Variants in DALRD3 observed in about 807,000 individuals in gnomAD.
DALRD3 encodes DALR anticodon-binding domain-containing protein 3.
A neutral mutation model predicts 56.7 loss-of-function variants in DALRD3; 47 were observed. The ratio of observed to expected loss-of-function variants is 0.83; its 90% CI spans 0.66 to 1.06. The LOEUF (loss-of-function observed/expected upper bound fraction) is 1.06, where lower values mean the gene tolerates loss of function less well. Among genes scored for constraint, DALRD3 ranks in the 50% least tolerant of loss-of-function variants. The probability of loss-of-function intolerance (pLI) is 0.00; values close to 1 mark genes in which losing one functional copy is unlikely to be tolerated. For missense variants in DALRD3, 787 were observed against 724.0 expected (o/e 1.09, Z -1.00); for synonymous variants, 347 against 308.5 (o/e 1.12, Z -1.31).
intron 5 of DALRD3, 117 bp downstream of exon 5, chr3:49,017,111 C>T: frequency 1.4e-6 from 2 of 1,455,772 alleles, no homozygotes; most frequent in Admixed American, 1.9e-5. Flanking sequence ...AGTCCAGCAA[C>T]TCCCCCAAGG....
At chr3:49,020,291 T>TC (rs2093142094), upstream of DALRD3, 1 of 510,528 alleles carries the variant, frequency 2.0e-6, no homozygotes, top group Non-Finnish European at 4.1e-6. Context: ...GAACCCTCAG[T>TC]CAAACTGAGG....
Position 49,016,819 on chromosome 3 carries a change from A to G in DALRD3, c.956T>C (p.Val319Ala). ...QKHLICGPVK[V>A]AGAPGTLMTA... is the part of the protein sequence containing the mutation. ...CATCAGAGTGCCAGGTGCACCAGCT[A>G]CTTTCACAGGGCCACAGATGAGGTG... is the stretch of plus-strand genomic sequence containing the variant. The change falls in exon 6 of 12, where the codon GTA becomes GCA. Residue 319 changes from valine (V) to alanine (A), a missense_variant. Val to Ala is a moderately conservative substitution (Grantham distance 64). Transcript: ENST00000341949. The G allele has an allele frequency of 1.9e-6, 3 of 1,614,166 alleles. No individual in the cohort carries two copies. The highest frequency in any genetic ancestry group is 1.7e-6 in the Non-Finnish European group (2 of 1,180,026).
chr3:49,017,630 T>C lies in DALRD3; in HGVS notation c.701A>G (p.Asn234Ser). 6.2e-7 allele frequency: 1 copy of C among 1,614,122 alleles called. No homozygotes were observed. Among genetic ancestry groups the C allele is most frequent in the Middle Eastern group, 1.6e-4 (1 of 6,062 alleles). Reference protein sequence around the residue: ...EQGRTAGYDPNLDNCLVTEDL... With the variant: ...EQGRTAGYDPSLDNCLVTEDL... ...GGTCCTACCCAGACAGTTGTCCAGG[T>C]TGGGGTCATAGCCAGCTGTGCGGCC... The change falls in exon 3 of 12, where the codon AAC becomes AGC. Residue 234 changes from asparagine to serine, a missense_variant. Asn to Ser is a conservative substitution (Grantham distance 46). Coordinates refer to ENST00000341949, the MANE Select transcript of DALRD3 (RefSeq NM_001009996.3).
rs1262059577 is a variant in DALRD3, at chr3:49,018,243, TCGGCGCGCAG to T, written c.231_240del (p.Cys78ProfsTer54). On this transcript the variant is annotated frameshift_variant, in exon 2 of 12. Transcript: ENST00000341949. LOFTEE classifies it high-confidence loss of function. ...AGTTGGAGAGACAGACCCGCGGGGG[TCGGCGCGCAG>T]CGCAGCACCGGGGCCACACCGGGGC... The T allele has an allele frequency of 7.0e-7, 1 of 1,432,842 alleles. No homozygotes were observed. Among genetic ancestry groups the T allele is most frequent in the Non-Finnish European group, 9.1e-7 (1 of 1,101,838 alleles). The allele number at this position is 1,432,842 out of a possible 1,614,324, so 88.8% of individuals were successfully genotyped here.
In DALRD3 at chr3:49,017,293, C is replaced by T; in HGVS notation, c.862G>A (p.Glu288Lys). ...LVVHVVSCEEEFQQQKLDLLW... is the reference protein window; with the variant it reads ...LVVHVVSCEEKFQQQKLDLLW... Reference sequence around the variant, plus strand: ...AGGTCCAACTTCTGTTGCTGGAACTCCTCCTCACAGCTAACAACATGTACA... The same window carrying T: ...AGGTCCAACTTCTGTTGCTGGAACTTCTCCTCACAGCTAACAACATGTACA... Residue 288 changes from glutamate (E) to lysine (K), a missense_variant, in exon 5 of 12, where the codon GAG becomes AAG. Transcript: ENST00000341949. 1 of 1,614,146 alleles carries T rather than the reference C, an allele frequency of 6.2e-7. No homozygotes were observed. The highest frequency in any genetic ancestry group is 8.5e-7 in the Non-Finnish European group (1 of 1,179,944).
chr3:49,018,184 G>A lies in DALRD3; in HGVS notation c.300C>T (p.Ser100=). ...QRSAVFERVL[S]AVAAYATPAS... ...CGGGCGTGGCATAGGCGGCCACGGC[G>A]CTGAGGACGCGCTCGAAGACGGCGG... Residue 100 remains serine, a synonymous_variant, in exon 2 of 12, where the codon AGC becomes AGT. Coordinates refer to ENST00000341949, the MANE Select transcript of DALRD3 (RefSeq NM_001009996.3). The A allele has an allele frequency of 2.1e-6, 3 of 1,449,834 alleles. No homozygotes were observed. Among genetic ancestry groups the A allele is most frequent in the African/African-American group, 1.5e-5 (1 of 68,520 alleles). The allele number at this position is 1,449,834 out of a possible 1,614,324, so 89.8% of individuals were successfully genotyped here. A position where few individuals can be genotyped will look rare whatever the true frequency, so the allele number is the denominator to read the frequency against.
Position 49,015,878 on chromosome 3 carries a change from G to T in DALRD3, c.1444-6C>A. 1.2e-6 allele frequency: 2 copies of T among 1,614,178 alleles called. No homozygotes were observed. Among genetic ancestry groups the T allele is most frequent in the Non-Finnish European group, 1.7e-6 (2 of 1,180,038 alleles). Reference sequence around the variant, plus strand: ...TGTACCAGGAACTTGCATATCTAGAGACAGAGACTGAGTCACTGGCCCATC... The same window carrying T: ...TGTACCAGGAACTTGCATATCTAGATACAGAGACTGAGTCACTGGCCCATC... On this transcript the variant is annotated splice_region_variant and splice_polypyrimidine_tract_variant and intron_variant, in intron 10 of 11. Transcript: ENST00000341949.
chr3:49,018,528 C>A lies in DALRD3; in HGVS notation c.37G>T (p.Gly13Trp). The change falls in exon 1 of 12, where the codon GGG becomes TGG. Residue 13 changes from glycine (G) to tryptophan (W), a missense_variant. Transcript: ENST00000341949. The part of the protein sequence containing the change: ...TRRLGVGETL[G>W]ALNAALGPGG... ...GGCCCCAGGGCCGCGTTGAGGGCCC[C>A]CAGCGTCTCCCCGACCCCAAGGCGC... The A allele has an allele frequency of 6.3e-7, 1 of 1,583,184 alleles. No homozygotes were observed. Among genetic ancestry groups the A allele is most frequent in the Non-Finnish European group, 8.6e-7 (1 of 1,164,726 alleles).
chr3:49,018,057 C>T lies in DALRD3; in HGVS notation c.427G>A (p.Ala143Thr). 2.0e-6 allele frequency: 3 copies of T among 1,490,844 alleles called. No homozygotes were observed. The highest frequency in any genetic ancestry group is 2.7e-6 in the Non-Finnish European group (3 of 1,130,568). The allele number at this position is 1,490,844 out of a possible 1,614,324, so 92.4% of individuals were successfully genotyped here. Residue 143 changes from alanine (A) to threonine (T), a missense_variant, in exon 2 of 12, where the codon GCC (alanine) becomes ACC (threonine). Physicochemically the swap from Ala to Thr is moderately conservative, Grantham distance 58. Transcript: ENST00000341949. ...RLSQLRTVLVADHLARALRAH... is the reference protein window; with the variant it reads ...RLSQLRTVLVTDHLARALRAH... ...CGCAGGGCTCGCGCCAGGTGATCGG[C>T]CACGAGCACCGTACGCAGCTGGCTC...
chr3:49,016,634 C>T lies in DALRD3; in HGVS notation c.1041G>A (p.Lys347=), dbSNP rs777722603. ...HTQVCKASAL[K]HGGDLAQDPA... ...CACCTTGTGCCAGATCCCCACCATGCTTCAGTGCTGAGGCCTTGCACACCT... is the reference window on the plus strand; with the variant it reads ...CACCTTGTGCCAGATCCCCACCATGTTTCAGTGCTGAGGCCTTGCACACCT... The change falls in exon 7 of 12, where the codon AAG becomes AAA. Residue 347 remains lysine (K), a synonymous_variant. Transcript: ENST00000341949. 1 of 1,589,878 alleles carries T rather than the reference C, an allele frequency of 6.3e-7. No homozygotes were observed. The highest frequency in any genetic ancestry group is 1.2e-5 in the South Asian group (1 of 86,892).
At position 49,018,234 on chromosome 3, in the gene DALRD3, C is replaced by T. The variant is rs906916343; in HGVS notation, c.250G>A (p.Gly84Ser). 7.0e-7 allele frequency: 1 copy of T among 1,438,330 alleles called. No individual in the cohort carries two copies. Among genetic ancestry groups the T allele is most frequent in the Non-Finnish European group, 9.1e-7 (1 of 1,104,610 alleles). The allele number at this position is 1,438,330 out of a possible 1,614,324, so 89.1% of individuals were successfully genotyped here. Residue 84 changes from glycine to serine, a missense_variant, in exon 2 of 12, where the codon GGT becomes AGT. Coordinates refer to ENST00000341949, the MANE Select transcript of DALRD3 (RefSeq NM_001009996.3). ...PVLRCAPTPA[G>S]LSLQLQRSAV... ...GACCGCTGCAGTTGGAGAGACAGAC[C>T]CGCGGGGGTCGGCGCGCAGCGCAGC...
At chr3:49,015,927 AGAAT>A in intron 10 of DALRD3, 42 bp downstream of exon 10, 1 of 1,614,210 alleles carries the variant, frequency 6.2e-7, no homozygotes, top group Non-Finnish European at 8.5e-7. Flanking sequence ...GCCCCAGGCC[AGAAT>A]AAAGAATAGA....
upstream of DALRD3, chr3:49,019,152 C>T (rs1035959483): frequency 7.0e-5 from 29 of 414,978 alleles, 1 homozygote; most frequent in Non-Finnish European, 9.1e-5. Context: ...CGGCTCACTG[C>T]AGCCTCCACC....
At chr3:49,017,410 C>T (rs1402777811) in intron 4 of DALRD3, 24 bp downstream of exon 4, 1 of 1,614,146 alleles carries the variant, frequency 6.2e-7, no homozygotes, top group African/African-American at 1.3e-5. Context: ...TTTGGGAGAA[C>T]CTACAGGGCT....
chr3:49,020,971 A>G (rs1249077371), upstream of DALRD3: 1 of 165,924 alleles, frequency 6.0e-6, no homozygotes, highest in East Asian at 1.8e-4. Context: ...TGGTGCGGTG[A>G]CGGTGGTGGG....
Position 49,017,330 on chromosome 3 carries a change from G to A in DALRD3, c.825C>T (p.Gly275=), listed in dbSNP as rs769948091. 5.0e-6 allele frequency: 8 copies of A among 1,614,218 alleles called. No individual in the cohort carries two copies. In the Admixed American group the frequency reaches 5.0e-5, roughly 10 times the overall value. The part of the protein sequence containing the change: ...GLAGASDTGT[G]GCLVVHVVSC... ...TAACAACATGTACAACCAGGCAGCC[G>A]CCTGTACCAGTATCTGAGGCCCCAG... Residue 275 remains glycine, a synonymous_variant, in exon 5 of 12, where the codon GGC becomes GGT. Coordinates refer to ENST00000341949, the MANE Select transcript of DALRD3 (RefSeq NM_001009996.3).
rs761064570 is a variant in DALRD3 at position 49,018,434 on chromosome 3, T to G, written c.131A>C (p.His44Pro). 24 of 1,584,512 alleles carry G rather than the reference T, an allele frequency of 1.5e-5. No individual in the cohort carries two copies. The highest frequency in any genetic ancestry group is 2.1e-5 in the Non-Finnish European group (24 of 1,166,432). The change falls in exon 1 of 12, where the codon CAC becomes CCC. Residue 44 changes from histidine to proline, a missense_variant. Physicochemically the swap from His to Pro is moderately conservative, Grantham distance 77. Transcript: ENST00000341949. ...HLRSRDFLAP[H>P]RALQARFDDG... ...ATCGAAGCGCGCCTGCAGCGCGCGG[T>G]GCGGTGCCAGAAAGTCTCGGGAACG...
intron 9 of DALRD3, 21 bp downstream of exon 9, chr3:49,016,137 G>C: frequency 6.2e-7 from 1 of 1,612,404 alleles, no homozygotes; most frequent in Non-Finnish European, 8.5e-7. Flanking sequence ...CCTTGTGCCA[G>C]CTACCAGGAG....
intron 6 of DALRD3, 43 bp from the exon 7 acceptor site, chr3:49,016,716 T>A (rs1559904118): frequency 6.2e-6 from 10 of 1,613,498 alleles, no homozygotes; most frequent in African/African-American, 1.3e-5. Flanking sequence ...GGGTCCTGGG[T>A]AAAGAGTCCC....
Sources: gnomAD v4.1 joint callset for allele counts on GRCh38, gnomAD v4.1.1 for gene constraint, MANE v1.5 for transcripts, NCBI Gene and HGNC (gene_info 2026-07-23, HGNC 2026-07-21) for gene names.